TENM1: variants seen among roughly 807,000 people sequenced by gnomAD.
The protein encoded by TENM1 is teneurin transmembrane protein 1, also known as teneurin-1.
Under a neutral mutation model 174.8 loss-of-function variants are expected in TENM1, and 35 were observed. The observed-to-expected ratio is 0.20, with a 90% CI of 0.15 to 0.27. The LOEUF (loss-of-function observed/expected upper bound fraction) is 0.27. Among genes scored for constraint, TENM1 ranks in the 10% least tolerant of loss-of-function variants. The pLI is 1.00. For missense variants in TENM1, 1,633 were observed against 2,130.1 expected (o/e 0.77, Z 4.59); for synonymous variants, 781 against 798.7 (o/e 0.98, Z 0.37).
chrX:124,630,203 A>G (rs1345061345), intron 11 of TENM1, among the ~76,000 whole-genome samples: 2 of 112,761 alleles, frequency 1.8e-5, no homozygotes, highest in African/African-American at 6.4e-5. Flanking sequence ...AATTTAAAAA[A>G]TGAATGAACC....
the TENM1 span, among the ~76,000 whole-genome samples, chrX:125,038,522 A>G: frequency 9.0e-6 from 1 of 111,501 alleles, no homozygotes; most frequent in African/African-American, 3.2e-5. Flanking sequence ...CTATAGACAC[A>G]CGGCATAATC....
the TENM1 span, among the ~76,000 whole-genome samples, chrX:125,071,939 T>A: frequency 1.8e-5 from 2 of 111,278 alleles, no homozygotes; most frequent in African/African-American, 6.5e-5. Flanking sequence ...ATTAATAAAC[T>A]ATAAGATATT....
At chrX:125,196,435 C>T in the TENM1 span, among the ~76,000 whole-genome samples, 1 of 111,618 alleles carries the variant, frequency 9.0e-6, no homozygotes, top group African/African-American at 3.2e-5. Context: ...CACATAAACA[C>T]AAACACATTT....
intron 6 of TENM1, among the ~76,000 whole-genome samples, chrX:124,661,442 G>T (rs144739006): frequency 8.9e-6 from 1 of 112,101 alleles, no homozygotes; most frequent in South Asian, 3.7e-4. Flanking sequence ...AGTGGTTTTA[G>T]AATGTTACCT....
At chrX:124,814,353 TTTATTA>T (rs1033949495) in intron 3 of TENM1, among the ~76,000 whole-genome samples, 1 of 111,591 alleles carries the variant, frequency 9.0e-6, no homozygotes, top group Non-Finnish European at 1.9e-5. Context: ...ATTGCTATTG[TTTATTA>T]TTATTAACAT....
intron 9 of TENM1, among the ~76,000 whole-genome samples, chrX:124,646,324 G>A (rs905073420): frequency 6.2e-5 from 7 of 112,062 alleles, no homozygotes; most frequent in Non-Finnish European, 1.3e-4. Context: ...TTTAAAGTCA[G>A]CTCATTATGA....
In TENM1 at chrX:124,406,308, C is replaced by T; in HGVS notation, c.5155+9G>A. The T allele has an allele frequency of 1.7e-6, 2 of 1,197,718 alleles. No individual in the cohort carries two copies. Among genetic ancestry groups the T allele is most frequent in the Non-Finnish European group, 1.1e-6 (1 of 885,958 alleles). ...TGTTACAGTCAGATATCGTTGGAAA[C>T]AATCTTACCTTGTTTTAAAATATAT... is the stretch of plus-strand genomic sequence containing the variant. On this transcript the variant is annotated intron_variant, in intron 26 of 31. Coordinates refer to ENST00000422452, the Ensembl canonical transcript of TENM1.
rs1227407548 is a variant in TENM1 at position 124,651,020 on chromosome X, T to A, written c.1579+894A>T. Among the ~76,000 whole-genome samples, 3 of 112,197 alleles carry A rather than the reference T, an allele frequency of 2.7e-5. No homozygotes were observed. In the East Asian group the frequency reaches 8.3e-4, roughly 31 times the overall value. On this transcript the variant is annotated intron_variant, in intron 8 of 31. Transcript: ENST00000422452. ...TGGTATATCTATTAAAGTCAACACA[T>A]CTTCCTAAACATATGGCTGAACAGG...
chrX:124,604,928 A>T (rs1190726856), intron 11 of TENM1, among the ~76,000 whole-genome samples: 1 of 108,482 alleles, frequency 9.2e-6, no homozygotes, highest in Non-Finnish European at 1.9e-5. Context: ...ACTGACTGGC[A>T]TATATTATTT....
chrX:125,005,406 G>GTT, the TENM1 span, among the ~76,000 whole-genome samples: 4 of 68,380 alleles, frequency 5.8e-5, no homozygotes, highest in East Asian at 4.5e-4. Context: ...ACCTGACTTG[G>GTT]TTGTGTGTGT....
chrX:124,435,163 C>T (rs1366603648), intron 23 of TENM1, among the ~76,000 whole-genome samples: 1 of 111,667 alleles, frequency 9.0e-6, no homozygotes, highest in East Asian at 2.8e-4. Flanking sequence ...AAGTGAGACT[C>T]TTGTCCTCTT....
At chrX:124,490,905 C>T (rs1470302636) in intron 20 of TENM1, among the ~76,000 whole-genome samples, 1 of 111,765 alleles carries the variant, frequency 8.9e-6, no homozygotes, top group African/African-American at 3.2e-5. Context: ...ATAATTATCC[C>T]TGTTGGTTTC....
chrX:125,158,812 T>TA, the TENM1 span, among the ~76,000 whole-genome samples: 4 of 111,731 alleles, frequency 3.6e-5, no homozygotes, highest in Non-Finnish European at 7.5e-5. Context: ...TAAGTTCCTT[T>TA]TCATTTATAA....
chrX:124,527,944 C>T (rs1442170857), intron 16 of TENM1, among the ~76,000 whole-genome samples: 2 of 107,310 alleles, frequency 1.9e-5, no homozygotes, highest in Non-Finnish European at 3.8e-5. Flanking sequence ...GCTTGAGCCA[C>T]CGTGCCCGGC....
intron 11 of TENM1, among the ~76,000 whole-genome samples, chrX:124,586,187 T>A (rs2049505875): frequency 9.0e-6 from 1 of 111,031 alleles, no homozygotes; most frequent in Admixed American, 9.6e-5. Flanking sequence ...ACTCATTTTA[T>A]GAGGCCAGCA....
the TENM1 span, among the ~76,000 whole-genome samples, chrX:125,073,529 G>T: frequency 9.0e-6 from 1 of 111,243 alleles, no homozygotes; most frequent in Non-Finnish European, 1.9e-5. Context: ...ATCCTTTATG[G>T]TTTTTTCACT....
the TENM1 span, among the ~76,000 whole-genome samples, chrX:125,135,260 C>T: frequency 8.9e-6 from 1 of 111,928 alleles, no homozygotes; most frequent in Admixed American, 9.5e-5. Flanking sequence ...GCAGATCACT[C>T]TACTTGTGTG....
At chrX:124,901,691 C>T (rs1230842025) in intron 1 of TENM1, among the ~76,000 whole-genome samples, 1 of 111,158 alleles carries the variant, frequency 9.0e-6, no homozygotes, top group Non-Finnish European at 1.9e-5. Context: ...GTTGCCCAGG[C>T]TGGTCTTGAA....
At chrX:124,835,879 G>A (rs1445726491) in intron 3 of TENM1, among the ~76,000 whole-genome samples, 6 of 112,131 alleles carry the variant, frequency 5.4e-5, no homozygotes, top group Non-Finnish European at 1.1e-4. Context: ...AAGGACATAG[G>A]GAAGAGGTGT....
Sources: gnomAD v4.1 joint callset for allele counts (sites outside exome capture counted in the v4.1 genomes callset) on GRCh38, gnomAD v4.1.1 for gene constraint, MANE v1.5 for transcripts, NCBI Gene and HGNC (gene_info 2026-07-23, HGNC 2026-07-21) for gene names.